The following VCAN variants were observed in gnomAD, a reference collection of about 807,000 sequenced individuals.
The protein encoded by VCAN is versican core protein.
A neutral mutation model predicts 245.5 loss-of-function variants in VCAN; 44 were observed. The ratio of observed to expected loss-of-function variants is 0.18; its 90% CI spans 0.14 to 0.23. The LOEUF is 0.23. VCAN is among the 10% of genes least tolerant of loss of function. The probability of loss-of-function intolerance (pLI) is 1.00; values close to 1 mark genes in which losing one functional copy is unlikely to be tolerated. For synonymous variants in VCAN, 1,413 were observed against 1,437.0 expected, an observed-to-expected ratio of 0.98 and a Z score of 0.38; for missense variants, 3,793 against 4,057.9, an observed-to-expected ratio of 0.93 and a Z score of 1.77.
rs1747612704 is a variant in VCAN, at chr5:83,554,962, G to C, written c.9659G>C (p.Gly3220Ala). The C allele has an allele frequency of 6.2e-7, 1 of 1,613,398 alleles. No homozygotes were observed. The highest frequency in any genetic ancestry group is 2.2e-5 in the East Asian group (1 of 44,850). Residue 3220 changes from glycine to alanine, a missense_variant, in exon 12 of 15, where the codon GGC (glycine) becomes GCC (alanine). Physicochemically the swap from Gly to Ala is moderately conservative, Grantham distance 60. This residue lies in a region of VCAN where 205 missense variants were observed against 321.1 expected (regional missense o/e 0.64). Coordinates refer to ENST00000265077, the MANE Select transcript of VCAN (RefSeq NM_004385.5). The part of the protein sequence containing the change: ...HEEQMFVNRV[G>A]HDYQWIGLND... ...GTGGTTTCCTATCCCTTAGGTGTGG[G>C]CCATGATTATCAGTGGATAGGCCTC...
intron 5 of VCAN, among the ~76,000 whole-genome samples, chr5:83,499,597 C>G (rs1018386518): frequency 7.0e-6 from 1 of 141,966 alleles, no homozygotes; most frequent in South Asian, 2.1e-4. Flanking sequence ...TCCTCTCACT[C>G]TTTTCTCCTC....
At chr5:83,524,655 T>C (rs1272976111) in intron 7 of VCAN, among the ~76,000 whole-genome samples, 1 of 152,224 alleles carries the variant, frequency 6.6e-6, no homozygotes, top group Admixed American at 6.5e-5. Flanking sequence ...TTTATTGTCT[T>C]CATAAGACAA....
chr5:83,475,462 C>G (rs970418384), intron 1 of VCAN, among the ~76,000 whole-genome samples: 1 of 152,126 alleles, frequency 6.6e-6, no homozygotes, highest in South Asian at 2.1e-4. Context: ...TTTCGCCAAA[C>G]CCATCCTGAA....
chr5:83,493,740 C>G lies in VCAN; in HGVS notation c.620+20C>G. On this transcript the variant is annotated intron_variant, in intron 4 of 14. Transcript: ENST00000265077. ...TGTCAGGTAAGAGGTCTGGGGGCCA[C>G]AGGCTTCATTATTAACTTGAGAGTG... 1.2e-6 allele frequency: 2 copies of G among 1,614,140 alleles called. No individual in the cohort carries two copies. Among genetic ancestry groups the G allele is most frequent in the Non-Finnish European group, 1.7e-6 (2 of 1,180,016 alleles).
chr5:83,495,334 C>A (rs762162097), intron 5 of VCAN, among the ~76,000 whole-genome samples: 1 of 152,086 alleles, frequency 6.6e-6, no homozygotes, highest in Non-Finnish European at 1.5e-5. Context: ...ATCGGAAGGC[C>A]TGCTTTCAAA....
At position 83,519,399 on chromosome 5, in the gene VCAN, C is replaced by T. The variant is rs956336866; in HGVS notation, c.1093C>T (p.Pro365Ser). 4.3e-6 allele frequency: 7 copies of T among 1,613,936 alleles called. No individual in the cohort carries two copies. Among genetic ancestry groups the T allele is most frequent in the Admixed American group, 1.7e-5 (1 of 60,006 alleles). The change falls in exon 7 of 15, where the codon CCC becomes TCC. Residue 365 changes from proline (P) to serine (S), a missense_variant. Transcript: ENST00000265077. ...GAGTATCCTCGCAGAAACTGCATCA[C>T]CCAGTTTATCCAAAGAACCACAAAT... is the stretch of plus-strand genomic sequence containing the variant. The part of the protein sequence containing the change: ...DLSILAETAS[P>S]SLSKEPQMVS...
chr5:83,541,389 C>G lies in VCAN; in HGVS notation c.8386C>G (p.Pro2796Ala), dbSNP rs151322433. 6.2e-7 allele frequency: 1 copy of G among 1,614,008 alleles called. No individual in the cohort carries two copies. The highest frequency in any genetic ancestry group is 1.3e-5 in the African/African-American group (1 of 75,000). Residue 2796 changes from proline (P) to alanine (A), a missense_variant, in exon 8 of 15, where the codon CCT (proline) becomes GCT (alanine). Pro to Ala is a conservative substitution (Grantham distance 27). This residue lies in a region of VCAN where 3,182 missense variants were observed against 3,250.3 expected (regional missense o/e 0.98). Coordinates refer to ENST00000265077, the MANE Select transcript of VCAN (RefSeq NM_004385.5). Reference sequence around the variant, plus strand: ...TATGGATCAGAGTGTAACAGAGGTGCCTGATGTGATGGAAGGATCCAATCC... The same window carrying G: ...TATGGATCAGAGTGTAACAGAGGTGGCTGATGTGATGGAAGGATCCAATCC... ...HLMDQSVTEV[P>A]DVMEGSNPPY...
At chr5:83,531,103 T>C (rs1404508347) in intron 7 of VCAN, among the ~76,000 whole-genome samples, 2 of 152,140 alleles carry the variant, frequency 1.3e-5, no homozygotes, top group Non-Finnish European at 2.9e-5. Context: ...TGTATACAGC[T>C]TTTGCTTCTC....
intron 7 of VCAN, among the ~76,000 whole-genome samples, chr5:83,530,620 G>A (rs1286068944): frequency 6.6e-6 from 1 of 151,994 alleles, no homozygotes; most frequent in Non-Finnish European, 1.5e-5. Flanking sequence ...GCCTATTTTT[G>A]TCACTTTAGA....
chr5:83,488,645 A>T (rs144554478), intron 2 of VCAN, among the ~76,000 whole-genome samples: 16 of 152,370 alleles, frequency 1.1e-4, no homozygotes, highest in African/African-American at 3.8e-4. Flanking sequence ...GCAATATTTC[A>T]AAGGATAATT....
At chr5:83,488,141 C>A (rs1353242929) in intron 2 of VCAN, among the ~76,000 whole-genome samples, 1 of 152,016 alleles carries the variant, frequency 6.6e-6, no homozygotes, top group Non-Finnish European at 1.5e-5. Flanking sequence ...AAATTCTCAC[C>A]CTTTCTCTTC....
chr5:83,511,404 T>A (rs1488587808), intron 5 of VCAN, among the ~76,000 whole-genome samples: 1 of 151,728 alleles, frequency 6.6e-6, no homozygotes, highest in Non-Finnish European at 1.5e-5. Flanking sequence ...GCTGGCTGAG[T>A]GGGAGGCGAC....
chr5:83,571,974 C>T, intron 12 of VCAN, among the ~76,000 whole-genome samples: 1 of 152,032 alleles, frequency 6.6e-6, no homozygotes, highest in Non-Finnish European at 1.5e-5. Flanking sequence ...TAAGACAAGA[C>T]AGGCTGAAAA....
chr5:83,474,162 A>C (rs1294754637), intron 1 of VCAN, among the ~76,000 whole-genome samples: 1 of 152,050 alleles, frequency 6.6e-6, no homozygotes, highest in Non-Finnish European at 1.5e-5. Context: ...CCAAAACTTA[A>C]ACTTCCTCAA....
intron 5 of VCAN, among the ~76,000 whole-genome samples, chr5:83,496,645 T>C (rs1238132978): frequency 2.6e-5 from 4 of 152,224 alleles, no homozygotes; most frequent in Admixed American, 2.6e-4. Flanking sequence ...CCTCCTTGTT[T>C]ATTGGCTCTT....
intron 13 of VCAN, 33 bp downstream of exon 13, chr5:83,572,593 A>G (rs991536267): frequency 1.9e-6 from 3 of 1,612,460 alleles, no homozygotes; most frequent in Non-Finnish European, 2.5e-6. Flanking sequence ...TGTGTACTTA[A>G]TCTTCATTTC....
Position 83,580,545 on chromosome 5 carries a change from AC to A in VCAN, c.*113del. The A allele has an allele frequency of 2.0e-6, 3 of 1,523,874 alleles. No individual in the cohort carries two copies. Among genetic ancestry groups the A allele is most frequent in the Admixed American group, 1.9e-5 (1 of 52,260 alleles). 94.4% of individuals were successfully genotyped at this position (1,523,874 alleles called of 1,614,324 possible). ...ATCAGTTGGTTTGGATTTTTGGACC[AC>A]CGTTCAGTCATTTTGGGTTGCCGTG... On this transcript the variant is annotated 3_prime_UTR_variant, in exon 15 of 15. Coordinates refer to ENST00000265077, the MANE Select transcript of VCAN (RefSeq NM_004385.5).
At chr5:83,491,357 A>G (rs944770995) in intron 3 of VCAN, among the ~76,000 whole-genome samples, 6 of 152,204 alleles carry the variant, frequency 3.9e-5, no homozygotes, top group Admixed American at 2.6e-4. Flanking sequence ...AATATATACA[A>G]AGGGTTTTAT....
chr5:83,511,381 T>G (rs1745650785), intron 5 of VCAN, among the ~76,000 whole-genome samples: 1 of 151,898 alleles, frequency 6.6e-6, no homozygotes, highest in Non-Finnish European at 1.5e-5. Context: ...CCAAAGAGGC[T>G]GGAGTTCCTT....
Sources: gnomAD v4.1 joint callset for allele counts (sites outside exome capture counted in the v4.1 genomes callset) on GRCh38, gnomAD v4.1.1 for gene constraint, gnomAD v4.1.1 regional missense constraint, MANE v1.5 for transcripts, NCBI Gene and HGNC (gene_info 2026-07-23, HGNC 2026-07-21) for gene names.